Variants in RPTOR observed in about 807,000 individuals in gnomAD.
RPTOR encodes the protein regulatory associated protein of MTOR complex 1, also known as regulatory-associated protein of mTOR.
In RPTOR, 21 loss-of-function variants were observed where a neutral mutation model predicts 169.9. That is an observed-to-expected ratio of 0.12 (90% CI 0.09 to 0.18). RPTOR has a LOEUF of 0.18. RPTOR is among the 10% of genes least tolerant of loss of function. RPTOR has a pLI of 1.00. For missense variants in RPTOR, 1,133 were observed against 1,855.9 expected, an observed-to-expected ratio of 0.61 and a Z score of 7.16; for synonymous variants, 732 against 753.2, an observed-to-expected ratio of 0.97 and a Z score of 0.46.
intron 24 of RPTOR, among the ~76,000 whole-genome samples, chr17:80,930,820 A>C (rs2068888706): frequency 6.6e-6 from 1 of 152,210 alleles, no homozygotes; most frequent in African/African-American, 2.4e-5. Flanking sequence ...GCAGCAGGAC[A>C]GCTTCCTCCC....
At chr17:80,546,936 G>T (rs565909674) in intron 1 of RPTOR, among the ~76,000 whole-genome samples, 39 of 152,222 alleles carry the variant, frequency 2.6e-4, no homozygotes, top group African/African-American at 8.7e-4. Context: ...GGGCTTGGTG[G>T]CAGGTGCCCG....
At chr17:80,691,546 C>G (rs777999268) in intron 3 of RPTOR, among the ~76,000 whole-genome samples, 1 of 152,170 alleles carries the variant, frequency 6.6e-6, no homozygotes, top group Non-Finnish European at 1.5e-5. Context: ...TCGTTCTTCA[C>G]CGATGTCCAC....
rs1402846796 is a variant in RPTOR at position 80,861,711 on chromosome 17, G to A, written c.1509+3811G>A. Among the ~76,000 whole-genome samples the A allele has an allele frequency of 1.3e-5, 2 of 152,198 alleles. No individual in the cohort carries two copies. Among genetic ancestry groups the A allele is most frequent in the Non-Finnish European group, 2.9e-5 (2 of 68,032 alleles). ...TCTGCATGCAGAGGTCTGGGATTAC[G>A]GCCGCCTGAGCCTGCTCCCCAGCAC... On this transcript the variant is annotated intron_variant, in intron 13 of 33. Transcript: ENST00000306801. This position sits in a 1 kb window ranked among gnomAD's most constrained non-coding sequence, Gnocchi z 4.5.
rs181915255 is a variant in RPTOR, at chr17:80,633,287, C to A, written c.265+7494C>A. On this transcript the variant is annotated intron_variant, in intron 2 of 33. Transcript: ENST00000306801. The surrounding 1 kb of genome is among the most constrained non-coding windows in gnomAD (Gnocchi z 4.1). ...GCAGTCACCAAAATCAAGGAGCATT[C>A]GCGTGGACGTGTGACTGCCACGTAA... is the stretch of plus-strand genomic sequence containing the variant. Among the ~76,000 whole-genome samples, 2 of 152,176 alleles carry A rather than the reference C, an allele frequency of 1.3e-5. No individual in the cohort carries two copies. Among genetic ancestry groups the A allele is most frequent in the African/African-American group, 4.8e-5 (2 of 41,426 alleles).
intron 2 of RPTOR, among the ~76,000 whole-genome samples, chr17:80,628,730 C>T (rs1053155096): frequency 1.3e-5 from 2 of 152,114 alleles, no homozygotes; most frequent in African/African-American, 4.8e-5. Context: ...GGTCCTCTTG[C>T]CTCAGCCTCC....
At chr17:80,565,351 T>C (rs558761317) in intron 1 of RPTOR, among the ~76,000 whole-genome samples, 1 of 152,280 alleles carries the variant, frequency 6.6e-6, no homozygotes, top group Non-Finnish European at 1.5e-5. Context: ...AGAAGCTGGA[T>C]TGCTGCGGAA....
At chr17:80,848,292 T>A (rs1399926086) in intron 11 of RPTOR, among the ~76,000 whole-genome samples, 3 of 152,188 alleles carry the variant, frequency 2.0e-5, no homozygotes, top group East Asian at 3.9e-4. Flanking sequence ...CAAAATAAAA[T>A]AACATTGTAC....
rs74001095 is a variant in RPTOR, at chr17:80,814,771, C to T, written c.891-7430C>T. Among the ~76,000 whole-genome samples the T allele has an allele frequency of 3.1e-3, 476 of 152,258 alleles. 5 individuals are homozygous for T. Among genetic ancestry groups the T allele is most frequent in the African/African-American group, 0.011 (464 of 41,536 alleles). On this transcript the variant is annotated intron_variant, in intron 7 of 33. Transcript: ENST00000306801. The stretch of plus-strand genomic sequence containing the variant: ...AAGAATGTAGTCCTCACTTTCAGAG[C>T]GCTCCAAGCCTCAGCTTAGACACAG...
At chr17:80,810,719 G>A (rs1335881732) in intron 7 of RPTOR, among the ~76,000 whole-genome samples, 1 of 152,150 alleles carries the variant, frequency 6.6e-6, no homozygotes, top group East Asian at 1.9e-4. Context: ...ATGAATTTGA[G>A]GAGAATTACC....
intron 4 of RPTOR, among the ~76,000 whole-genome samples, chr17:80,712,713 G>A (rs1356703962): frequency 7.9e-5 from 12 of 152,222 alleles, no homozygotes; most frequent in East Asian, 1.9e-4. Flanking sequence ...GATTCGGTTA[G>A]AGTATGCTTA....
intron 24 of RPTOR, among the ~76,000 whole-genome samples, chr17:80,939,987 C>T (rs34597387): frequency 0.16 from 23,658 of 152,180 alleles, 2,315 homozygotes; most frequent in Non-Finnish European, 0.21. Flanking sequence ...CCTCTCCCAG[C>T]TCCGGGGAGG....
intron 7 of RPTOR, among the ~76,000 whole-genome samples, chr17:80,817,788 G>A (rs1247040736): frequency 2.0e-5 from 3 of 152,210 alleles, no homozygotes; most frequent in Admixed American, 1.3e-4. Flanking sequence ...GGTGGGGACA[G>A]CCAGGGGTGT....
intron 1 of RPTOR, among the ~76,000 whole-genome samples, chr17:80,565,505 A>G (rs2084571205): frequency 6.6e-6 from 1 of 152,172 alleles, no homozygotes; most frequent in African/African-American, 2.4e-5. Flanking sequence ...GGGAGAGTCA[A>G]GGCAGGGGAG....
intron 1 of RPTOR, among the ~76,000 whole-genome samples, chr17:80,573,238 TTC>T (rs2064926391): frequency 6.6e-6 from 1 of 152,246 alleles, no homozygotes; most frequent in Non-Finnish European, 1.5e-5. Context: ...GTCTTGGCTA[TTC>T]TTGTTCTTTT....
At chr17:80,690,482 C>T (rs1244183588) in intron 3 of RPTOR, among the ~76,000 whole-genome samples, 1 of 152,192 alleles carries the variant, frequency 6.6e-6, no homozygotes, top group Non-Finnish European at 1.5e-5. Context: ...ACCTGTCTGC[C>T]TGTCTCTTTC....
chr17:80,613,935 C>G (rs1293829034), intron 1 of RPTOR, among the ~76,000 whole-genome samples: 1 of 152,220 alleles, frequency 6.6e-6, no homozygotes, highest in African/African-American at 2.4e-5. Flanking sequence ...CAGATGTGGC[C>G]GTGCTGAGTG....
At chr17:80,797,434 C>T (rs767155913) in intron 7 of RPTOR, among the ~76,000 whole-genome samples, 11 of 152,216 alleles carry the variant, frequency 7.2e-5, no homozygotes, top group Admixed American at 1.3e-4. Context: ...GGGCATGAGC[C>T]GCTGTGCCCG....
chr17:80,866,089 TATAA>T (rs1237283568), intron 13 of RPTOR, among the ~76,000 whole-genome samples: 2 of 151,012 alleles, frequency 1.3e-5, no homozygotes, highest in Non-Finnish European at 3.0e-5. Context: ...CAAAATAGAA[TATAA>T]ATATGTAATA....
chr17:80,905,595 C>CA (rs57583520), intron 20 of RPTOR, among the ~76,000 whole-genome samples: 2,232 of 89,424 alleles, frequency 0.025, 57 homozygotes, highest in African/African-American at 0.08. Flanking sequence ...GACTCTGTCT[C>CA]AAAAAAAAAA....
Sources: gnomAD v4.1 joint callset for allele counts (sites outside exome capture counted in the v4.1 genomes callset) on GRCh38, gnomAD v4.1.1 for gene constraint, Gnocchi (gnomAD v3.1) non-coding constraint, MANE v1.5 for transcripts, NCBI Gene and HGNC (gene_info 2026-07-23, HGNC 2026-07-21) for gene names.